The following CTNNA3 variants were observed in gnomAD, a reference collection of about 807,000 sequenced individuals.
CTNNA3 encodes catenin alpha-3.
CTNNA3 carries 76 observed loss-of-function variants against 95.7 expected under a neutral mutation model. The observed-to-expected ratio is 0.79, with a 90% confidence interval of 0.66 to 0.96. CTNNA3 has a LOEUF of 0.96. CTNNA3 is among the 40% of genes least tolerant of loss of function. CTNNA3 has a pLI of 0.00. For synonymous variants in CTNNA3, 431 were observed against 374.4 expected (o/e 1.15, Z -1.74); for missense variants, 1,191 against 1,089.8 (o/e 1.09, Z -1.31).
intron 13 of CTNNA3, among the ~76,000 whole-genome samples, chr10:66,249,138 A>C (rs1008308416): frequency 2.0e-5 from 3 of 152,216 alleles, no homozygotes; most frequent in African/African-American, 7.2e-5. Flanking sequence ...CTCACCATAT[A>C]CAAAAATCTA....
intron 13 of CTNNA3, among the ~76,000 whole-genome samples, chr10:66,147,459 T>G (rs2133896299): frequency 6.6e-6 from 1 of 152,134 alleles, no homozygotes; most frequent in South Asian, 2.1e-4. Context: ...TTTATCCAGG[T>G]GTTTTATGCA....
At chr10:66,902,449 C>G (rs568104859) in intron 7 of CTNNA3, among the ~76,000 whole-genome samples, 24 of 151,968 alleles carry the variant, frequency 1.6e-4, no homozygotes, top group African/African-American at 5.8e-4. Context: ...AAATCGACAC[C>G]CTAACATCAC....
chr10:67,449,762 G>A (rs1435416433), intron 5 of CTNNA3, among the ~76,000 whole-genome samples: 1 of 152,092 alleles, frequency 6.6e-6, no homozygotes, highest in African/African-American at 2.4e-5. Context: ...ATGATTTCAT[G>A]ACGAAGATGC....
intron 9 of CTNNA3, among the ~76,000 whole-genome samples, chr10:66,734,809 G>C (rs564015254): frequency 1.3e-5 from 2 of 150,776 alleles, no homozygotes; most frequent in South Asian, 4.2e-4. Flanking sequence ...GTTGCAGTGA[G>C]CTGAGACTGT....
intron 13 of CTNNA3, among the ~76,000 whole-genome samples, chr10:66,120,485 G>A (rs534706268): frequency 1.3e-5 from 2 of 152,124 alleles, no homozygotes; most frequent in East Asian, 3.9e-4. Context: ...CCTTAATTAT[G>A]TCTTTTTTTG....
intron 13 of CTNNA3, among the ~76,000 whole-genome samples, chr10:66,199,806 T>TATATATATAA (rs1554887153): frequency 4.4e-4 from 4 of 9,040 alleles, no homozygotes; most frequent in African/African-American, 1.9e-3. Flanking sequence ...TATATATATA[T>TATATATATAA]TTTTTTTTTT....
intron 7 of CTNNA3, among the ~76,000 whole-genome samples, chr10:66,776,801 T>C (rs1288412914): frequency 6.6e-6 from 1 of 152,160 alleles, no homozygotes; most frequent in Non-Finnish European, 1.5e-5. Context: ...ATTTTGAGTG[T>C]TTTTCAATAT....
chr10:67,732,886 G>A (rs55865008), intron 1 of CTNNA3, among the ~76,000 whole-genome samples: 2,347 of 103,536 alleles, frequency 0.023, 72 homozygotes, highest in African/African-American at 0.14. Flanking sequence ...TCTCACTCAC[G>A]CACACACACA....
At chr10:67,336,982 T>C (rs186278325) in intron 5 of CTNNA3, among the ~76,000 whole-genome samples, 33 of 152,282 alleles carry the variant, frequency 2.2e-4, no homozygotes, top group South Asian at 4.1e-4. Context: ...AGGAAATAAA[T>C]GGATTTTTCA....
intron 12 of CTNNA3, among the ~76,000 whole-genome samples, chr10:66,319,365 C>G (rs1369717786): frequency 3.3e-5 from 5 of 151,732 alleles, no homozygotes; most frequent in Admixed American, 3.3e-4. Flanking sequence ...AGCAATATGC[C>G]CAGTTAAAAT....
intron 13 of CTNNA3, among the ~76,000 whole-genome samples, chr10:66,257,112 C>A (rs1488776055): frequency 6.6e-6 from 1 of 152,194 alleles, no homozygotes; most frequent in Non-Finnish European, 1.5e-5. Flanking sequence ...TAACTCTATT[C>A]CTGGATTATA....
chr10:66,430,698 A>C (rs1407613129), intron 11 of CTNNA3, among the ~76,000 whole-genome samples: 2 of 152,196 alleles, frequency 1.3e-5, no homozygotes, highest in African/African-American at 2.4e-5. Flanking sequence ...CTGGCTAGCC[A>C]TATGTAGAAA....
chr10:65,937,321 A>G (rs2077356578), intron 17 of CTNNA3, among the ~76,000 whole-genome samples: 1 of 152,150 alleles, frequency 6.6e-6, no homozygotes, highest in African/African-American at 2.4e-5. Flanking sequence ...AACTTCAAGC[A>G]GCAATAGTAA....
chr10:66,628,098 G>A (rs1589038007), intron 9 of CTNNA3, among the ~76,000 whole-genome samples: 1 of 151,856 alleles, frequency 6.6e-6, no homozygotes, highest in South Asian at 2.1e-4. Flanking sequence ...GGGTAAAGAC[G>A]ATGATATATT....
chr10:66,460,166 A>G (rs2131845286), intron 11 of CTNNA3, among the ~76,000 whole-genome samples: 1 of 152,264 alleles, frequency 6.6e-6, no homozygotes, highest in Non-Finnish European at 1.5e-5. Flanking sequence ...TACTGTTTTA[A>G]TCATGATGGC....
chr10:66,877,660 C>T (rs982745524), intron 7 of CTNNA3, among the ~76,000 whole-genome samples: 10 of 152,122 alleles, frequency 6.6e-5, no homozygotes, highest in African/African-American at 1.4e-4. Flanking sequence ...TTTCCTGCTT[C>T]GGGCCTCATG....
At chr10:66,147,392 C>T (rs1412683451) in intron 13 of CTNNA3, among the ~76,000 whole-genome samples, 1 of 151,996 alleles carries the variant, frequency 6.6e-6, no homozygotes. Context: ...TACCACTTGT[C>T]CTCCTTTCTC....
chr10:67,227,492 C>G (rs1285182140), intron 5 of CTNNA3, among the ~76,000 whole-genome samples: 1 of 152,176 alleles, frequency 6.6e-6, no homozygotes, highest in Non-Finnish European at 1.5e-5. Flanking sequence ...CCTTGTCCAA[C>G]AGGACAATAT....
intron 7 of CTNNA3, among the ~76,000 whole-genome samples, chr10:66,897,563 G>C (rs1368778804): frequency 6.6e-6 from 1 of 152,078 alleles, no homozygotes; most frequent in Admixed American, 6.6e-5. Context: ...CCAATAACTT[G>C]ATTGTATACT....
Sources: gnomAD v4.1 joint callset for allele counts (sites outside exome capture counted in the v4.1 genomes callset) on GRCh38, gnomAD v4.1.1 for gene constraint, MANE v1.5 for transcripts, NCBI Gene and HGNC (gene_info 2026-07-23, HGNC 2026-07-21) for gene names.